Variants in CPQ observed in about 807,000 individuals in gnomAD.
CPQ encodes carboxypeptidase Q.
A neutral mutation model predicts 45.7 loss-of-function variants in CPQ; 37 were observed. The observed-to-expected ratio is 0.81, with a 90% CI of 0.62 to 1.07. The LOEUF is 1.07. CPQ is among the 50% of genes least tolerant of loss of function. The pLI is 0.00. For missense variants in CPQ, 537 were observed against 572.9 expected (o/e 0.94, Z 0.64); for synonymous variants, 186 against 205.8 (o/e 0.90, Z 0.82).
intron 3 of CPQ, among the ~76,000 whole-genome samples, chr8:96,870,537 G>T (rs1812053666): frequency 6.6e-6 from 1 of 151,972 alleles, no homozygotes; most frequent in South Asian, 2.1e-4. Flanking sequence ...ACTCCAGCCA[G>T]ATTCAGATTG....
chr8:96,890,130 G>T (rs1812354295), intron 4 of CPQ, among the ~76,000 whole-genome samples: 1 of 152,080 alleles, frequency 6.6e-6, no homozygotes, highest in Non-Finnish European at 1.5e-5. Flanking sequence ...CACACTAATT[G>T]TTAACCTAAA....
chr8:96,806,278 T>C lies in CPQ; in HGVS notation c.433+20948T>C, dbSNP rs111992095. 1.2e-3 allele frequency among the ~76,000 whole-genome samples: 178 copies of C among 152,288 alleles called. 1 individual carries two copies. Among genetic ancestry groups the C allele is most frequent in the African/African-American group, 3.4e-3 (143 of 41,564 alleles). ...GGAAAATATAATAAAATTGAGATAA[T>C]TTTTACCTTTAACATAAAAGTTCGG... is the stretch of plus-strand genomic sequence containing the variant. On this transcript the variant is annotated intron_variant, in intron 2 of 7. Transcript: ENST00000220763.
chr8:97,046,525 A>C (rs970576081), intron 6 of CPQ, among the ~76,000 whole-genome samples: 9 of 152,202 alleles, frequency 5.9e-5, no homozygotes, highest in African/African-American at 1.9e-4. Flanking sequence ...CAAAGGTTTA[A>C]AGTGGTTTCA....
At chr8:96,706,135 C>A (rs182449037) in intron 1 of CPQ, among the ~76,000 whole-genome samples, 1 of 152,082 alleles carries the variant, frequency 6.6e-6, no homozygotes, top group African/African-American at 2.4e-5. Context: ...TTGCCTGGAC[C>A]GTGTTTTAAT....
chr8:96,723,364 A>G (rs1202559894), intron 1 of CPQ, among the ~76,000 whole-genome samples: 1 of 152,156 alleles, frequency 6.6e-6, no homozygotes, highest in East Asian at 1.9e-4. Context: ...TTTTATAAAC[A>G]CTTACATGGA....
intron 4 of CPQ, among the ~76,000 whole-genome samples, chr8:96,944,734 G>T (rs1490384280): frequency 6.6e-6 from 1 of 152,120 alleles, no homozygotes; most frequent in African/African-American, 2.4e-5. Context: ...ATGTCAAGCT[G>T]CTCATTGTTT....
At chr8:96,795,583 C>A (rs531757883) in intron 2 of CPQ, among the ~76,000 whole-genome samples, 34 of 151,960 alleles carry the variant, frequency 2.2e-4, no homozygotes, top group Admixed American at 1.4e-3. Flanking sequence ...AGTTTGTGTC[C>A]TTTTATCTTA....
chr8:96,661,258 C>G (rs116525397), intron 1 of CPQ, among the ~76,000 whole-genome samples: 3,068 of 152,094 alleles, frequency 0.02, 115 homozygotes, highest in African/African-American at 0.071. Context: ...GTAGAAATAT[C>G]CCATACACTA....
intron 1 of CPQ, among the ~76,000 whole-genome samples, chr8:96,720,482 G>A (rs1026941016): frequency 3.9e-5 from 6 of 152,180 alleles, no homozygotes; most frequent in Admixed American, 3.3e-4. Flanking sequence ...ATGGTTTTAT[G>A]CTTTGCTGGA....
intron 1 of CPQ, among the ~76,000 whole-genome samples, chr8:96,687,479 G>A (rs1273483623): frequency 6.6e-6 from 1 of 152,084 alleles, no homozygotes; most frequent in African/African-American, 2.4e-5. Flanking sequence ...AAAGTGCTGG[G>A]ATTACAGGTG....
chr8:96,991,778 A>G, intron 5 of CPQ, among the ~76,000 whole-genome samples: 1 of 152,080 alleles, frequency 6.6e-6, no homozygotes, highest in East Asian at 1.9e-4. Flanking sequence ...AGAAGTTTAG[A>G]GCAAGTGCAA....
intron 1 of CPQ, among the ~76,000 whole-genome samples, chr8:96,783,031 G>A (rs1373155895): frequency 6.6e-6 from 1 of 152,140 alleles, no homozygotes; most frequent in Non-Finnish European, 1.5e-5. Flanking sequence ...AATCACTCAA[G>A]TAATCTCTAA....
chr8:97,123,241 A>AAATT (rs1811787410), intron 7 of CPQ, among the ~76,000 whole-genome samples: 2 of 137,970 alleles, frequency 1.4e-5, no homozygotes, highest in Non-Finnish European at 3.2e-5. Context: ...TAAAATAAAT[A>AAATT]AAATAAAATA....
chr8:96,943,477 T>A (rs146681461), intron 4 of CPQ, among the ~76,000 whole-genome samples: 1 of 152,340 alleles, frequency 6.6e-6, no homozygotes, highest in African/African-American at 2.4e-5. Context: ...CTATATATTC[T>A]GCTAATACTC....
At chr8:96,846,075 C>T (rs960968010) in intron 3 of CPQ, among the ~76,000 whole-genome samples, 5 of 152,208 alleles carry the variant, frequency 3.3e-5, no homozygotes, top group Non-Finnish European at 7.3e-5. Context: ...ACCTCAGCTT[C>T]CCAAAATGCT....
rs183272436 is a variant in CPQ, at chr8:96,780,090, A to G, written c.-34-4774A>G. 6.0e-3 allele frequency among the ~76,000 whole-genome samples: 911 copies of G among 152,312 alleles called. 12 individuals carry two copies. The highest frequency in any genetic ancestry group is 0.021 in the African/African-American group (862 of 41,564). ...TAAATGCTCATTTATTTCTTAAATAAAAATGTATTGAGTGCCTGTATTTGA... is the reference window on the plus strand; with the variant it reads ...TAAATGCTCATTTATTTCTTAAATAGAAATGTATTGAGTGCCTGTATTTGA... On this transcript the variant is annotated intron_variant, in intron 1 of 7. Coordinates refer to ENST00000220763, the MANE Select transcript of CPQ (RefSeq NM_016134.4).
intron 4 of CPQ, among the ~76,000 whole-genome samples, chr8:96,948,200 A>T (rs758683126): frequency 1.3e-5 from 2 of 152,008 alleles, no homozygotes; most frequent in Non-Finnish European, 2.9e-5. Flanking sequence ...TGTTAATTGG[A>T]CTCTGTAAGC....
At chr8:96,945,566 T>C (rs1002971318) in intron 4 of CPQ, among the ~76,000 whole-genome samples, 1 of 152,140 alleles carries the variant, frequency 6.6e-6, no homozygotes, top group Non-Finnish European at 1.5e-5. Flanking sequence ...ATTGAGCTGT[T>C]TTTTCTTTTT....
At chr8:97,140,127 A>C (rs1405613330) in intron 7 of CPQ, among the ~76,000 whole-genome samples, 1 of 152,028 alleles carries the variant, frequency 6.6e-6, no homozygotes, top group East Asian at 1.9e-4. Flanking sequence ...TGACAACTTC[A>C]TGCCAATTAT....
Sources: allele counts gnomAD v4.1 joint callset (sites outside exome capture counted in the v4.1 genomes callset), GRCh38; gene constraint gnomAD v4.1.1; transcripts MANE v1.5; gene names NCBI Gene and HGNC (gene_info 2026-07-23, HGNC 2026-07-21).